Variants in ENTPD1 observed in about 807,000 individuals in gnomAD.
ENTPD1 encodes the protein ATP diphosphohydrolase.
A neutral mutation model predicts 57.0 loss-of-function variants in ENTPD1; 33 were observed. The observed-to-expected ratio is 0.58, with a 90% CI of 0.44 to 0.77. The LOEUF (loss-of-function observed/expected upper bound fraction) is 0.77. ENTPD1 is among the 30% of genes least tolerant of loss of function. The pLI, the probability that ENTPD1 is intolerant of heterozygous loss-of-function variation, is 0.00. For synonymous variants in ENTPD1, 202 were observed against 218.8 expected (o/e 0.92, Z 0.68); for missense variants, 501 against 603.4 (o/e 0.83, Z 1.78).
chr10:95,842,577 C>A, intron 4 of ENTPD1, 83 bp downstream of exon 4: 1 of 1,493,214 alleles, frequency 6.7e-7, no homozygotes, highest in South Asian at 1.3e-5. Flanking sequence ...GAAAGGGCCA[C>A]ACTCCCTAAT....
chr10:95,755,458 A>C (rs2098019895), upstream of ENTPD1: 2 of 524,580 alleles, frequency 3.8e-6, no homozygotes, highest in South Asian at 5.7e-5. Flanking sequence ...CATTGGGGTA[A>C]TCTTGACGGT....
chr10:95,732,155 A>T (rs1331220532), intron 1 of ENTPD1, among the ~76,000 whole-genome samples: 1 of 152,160 alleles, frequency 6.6e-6, no homozygotes, highest in Non-Finnish European at 1.5e-5. Flanking sequence ...CACATGAGAT[A>T]ATTAAATGAT....
chr10:95,850,573 C>T (rs1456734734), intron 7 of ENTPD1, among the ~76,000 whole-genome samples: 1 of 152,140 alleles, frequency 6.6e-6, no homozygotes, highest in South Asian at 2.1e-4. Flanking sequence ...CTACCACAGC[C>T]TATTTCAAGC....
Position 95,872,538 on chromosome 10 carries a change from C to A in ENTPD1, c.*6155C>A. On this transcript the variant is annotated 3_prime_UTR_variant, in exon 10 of 10. Coordinates refer to ENST00000371205, the MANE Select transcript of ENTPD1 (RefSeq NM_001776.6). Reference sequence around the variant, plus strand: ...TCCAAATTTCCAAGTCAGAATGTCTCTTCCTTGTGCTACCACAACCCTTTA... The same window carrying A: ...TCCAAATTTCCAAGTCAGAATGTCTATTCCTTGTGCTACCACAACCCTTTA... 1 of 985,184 alleles carries A rather than the reference C, an allele frequency of 1.0e-6. No homozygotes were observed. Among genetic ancestry groups the A allele is most frequent in the South Asian group, 4.7e-5 (1 of 21,282 alleles). 61.0% of individuals were successfully genotyped at this position (985,184 alleles called of 1,614,324 possible).
intron 1 of ENTPD1, among the ~76,000 whole-genome samples, chr10:95,814,147 G>T (rs1462680769): frequency 2.0e-5 from 3 of 152,200 alleles, no homozygotes; most frequent in Admixed American, 2.0e-4. Context: ...TGTCTGCAGA[G>T]TCAGTGACAT....
chr10:95,694,339 G>A, the ENTPD1 span, among the ~76,000 whole-genome samples: 1 of 151,930 alleles, frequency 6.6e-6, no homozygotes, highest in East Asian at 1.9e-4. Flanking sequence ...CCCTTTCTAT[G>A]GAAGAATAAT....
chr10:95,812,565 G>T (rs1346101975), intron 1 of ENTPD1, among the ~76,000 whole-genome samples: 2 of 152,184 alleles, frequency 1.3e-5, no homozygotes, highest in Admixed American at 1.3e-4. Flanking sequence ...ACATGTCTTT[G>T]TGTGGACATA....
At chr10:95,759,812 C>T (rs1009566551) in intron 1 of ENTPD1, among the ~76,000 whole-genome samples, 2 of 152,308 alleles carry the variant, frequency 1.3e-5, no homozygotes, top group South Asian at 2.1e-4. Flanking sequence ...TGTGTTGTCT[C>T]ATGTAATCTT....
At chr10:95,838,373 T>C (rs2098415554) in intron 2 of ENTPD1, among the ~76,000 whole-genome samples, 1 of 152,212 alleles carries the variant, frequency 6.6e-6, no homozygotes, top group African/African-American at 2.4e-5. Context: ...TTCTGGCAGC[T>C]ATATTTCCAG....
At chr10:95,811,456 A>G (rs2098307114) in intron 1 of ENTPD1, among the ~76,000 whole-genome samples, 1 of 152,120 alleles carries the variant, frequency 6.6e-6, no homozygotes, top group Admixed American at 6.5e-5. Flanking sequence ...TTTCCTCTTT[A>G]ACTCAAAGCC....
At chr10:95,729,457 G>T (rs2139845991) in intron 1 of ENTPD1, among the ~76,000 whole-genome samples, 1 of 152,324 alleles carries the variant, frequency 6.6e-6, no homozygotes, top group Admixed American at 6.5e-5. Context: ...GTTTCCTCAG[G>T]ATGGTGTCAA....
intron 1 of ENTPD1, among the ~76,000 whole-genome samples, chr10:95,787,839 G>A (rs903639298): frequency 1.3e-5 from 2 of 152,150 alleles, no homozygotes; most frequent in African/African-American, 4.8e-5. Context: ...ACAAAAAAAA[G>A]TATGTGAAGT....
chr10:95,868,789 G>A lies in ENTPD1; in HGVS notation c.*2406G>A. ...AATTAGACTTCACAAGTCTCCTTCAGAGAACACAAATCTTTTCTTATTCCA... is the reference window on the plus strand; with the variant it reads ...AATTAGACTTCACAAGTCTCCTTCAAAGAACACAAATCTTTTCTTATTCCA... On this transcript the variant is annotated 3_prime_UTR_variant, in exon 10 of 10. Transcript: ENST00000371205. 4.1e-6 allele frequency: 4 copies of A among 985,260 alleles called. No individual in the cohort carries two copies. The highest frequency in any genetic ancestry group is 4.8e-6 in the Non-Finnish European group (4 of 829,920). The allele number at this position is 985,260 out of a possible 1,614,324, so 61.0% of individuals were successfully genotyped here. A position where few individuals can be genotyped will look rare whatever the true frequency, so the allele number is the denominator to read the frequency against.
chr10:95,757,455 T>G (rs747413207), intron 1 of ENTPD1, among the ~76,000 whole-genome samples: 1 of 152,142 alleles, frequency 6.6e-6, no homozygotes, highest in Non-Finnish European at 1.5e-5. Context: ...GTTTCTCTGC[T>G]TTTTCTGGTG....
At chr10:95,846,006 G>GT in intron 6 of ENTPD1, 1 of 129,256 alleles carries the variant, frequency 7.7e-6, no homozygotes. Context: ...GAGAGGAGAA[G>GT]GAAAAAAAAA....
rs1241168839 is a variant in ENTPD1, at chr10:95,870,618, A to G, written c.*4235A>G. 1.0e-6 allele frequency: 1 copy of G among 985,368 alleles called. No individual in the cohort carries two copies. The highest frequency in any genetic ancestry group is 1.1e-4 in the East Asian group (1 of 8,834). The allele number at this position is 985,368 out of a possible 1,614,324, so 61.0% of individuals were successfully genotyped here. On this transcript the variant is annotated 3_prime_UTR_variant, in exon 10 of 10. Transcript: ENST00000371205. Reference sequence around the variant, plus strand: ...AATAGCTCACAGAACAAAGTTTGCCACATAATGATAAAATTACTATGAAAA... The same window carrying G: ...AATAGCTCACAGAACAAAGTTTGCCGCATAATGATAAAATTACTATGAAAA...
chr10:95,752,197 G>A (rs1017968013), upstream of ENTPD1, among the ~76,000 whole-genome samples: 1 of 152,192 alleles, frequency 6.6e-6, no homozygotes, highest in Non-Finnish European at 1.5e-5. Context: ...TTGGCATGGT[G>A]CGGTGAGAAA....
intron 1 of ENTPD1, among the ~76,000 whole-genome samples, chr10:95,807,175 C>T (rs1041429671): frequency 2.6e-5 from 4 of 152,202 alleles, no homozygotes; most frequent in Admixed American, 2.6e-4. Flanking sequence ...CCAGTTCGCA[C>T]TTCCAGGCCA....
At chr10:95,723,722 A>G (rs2097980340) in intron 1 of ENTPD1, among the ~76,000 whole-genome samples, 2 of 152,184 alleles carry the variant, frequency 1.3e-5, no homozygotes, top group South Asian at 4.1e-4. Context: ...TGGCTGTGCC[A>G]TGATCTGAAC....
Sources: allele counts gnomAD v4.1 joint callset (sites outside exome capture counted in the v4.1 genomes callset), GRCh38; gene constraint gnomAD v4.1.1; transcripts MANE v1.5; gene names NCBI Gene and HGNC (gene_info 2026-07-23, HGNC 2026-07-21).